TAF4: variants seen among roughly 807,000 people sequenced by gnomAD.
TAF4 encodes the protein transcription initiation factor TFIID subunit 4.
In TAF4, 9 loss-of-function variants were observed where a neutral mutation model predicts 90.3. The ratio of observed to expected loss-of-function variants is 0.10; its 90% CI spans 0.06 to 0.17. The LOEUF (loss-of-function observed/expected upper bound fraction) is 0.17. Ranked by LOEUF, TAF4 falls within the 10% of genes least tolerant of loss-of-function variation. The pLI is 1.00. For missense variants in TAF4, 1,351 were observed against 1,370.7 expected (o/e 0.99, Z 0.23); for synonymous variants, 818 against 638.9 (o/e 1.28, Z -4.23).
At position 62,021,611 on chromosome 20, in the gene TAF4, G is replaced by A. The variant is rs368522747; in HGVS notation, c.1361-6904C>T. On this transcript the variant is annotated intron_variant, in intron 1 of 14. Coordinates refer to ENST00000252996, the MANE Select transcript of TAF4 (RefSeq NM_003185.4). ...ACTGCGGCTGGGCAGCCAGACGGTC[G>A]CTAGCTGACACTCACTCGGCAACCT... 2.6e-3 allele frequency among the ~76,000 whole-genome samples: 391 copies of A among 152,358 alleles called. 2 individuals are homozygous for A. The highest frequency in any genetic ancestry group is 9.2e-3 in the African/African-American group (383 of 41,586).
intron 1 of TAF4, among the ~76,000 whole-genome samples, chr20:62,022,863 C>A (rs556107920): frequency 1.8e-3 from 162 of 92,442 alleles, no homozygotes; most frequent in Non-Finnish European, 2.4e-3. Context: ...CACTTGCAGC[C>A]CCCCCCCCGC....
intron 1 of TAF4, among the ~76,000 whole-genome samples, chr20:62,043,323 A>T (rs1408685357): frequency 6.6e-6 from 1 of 152,214 alleles, no homozygotes; most frequent in African/African-American, 2.4e-5. Context: ...ATAAGGATAC[A>T]AAGAAAGTAT....
intron 1 of TAF4, among the ~76,000 whole-genome samples, chr20:62,030,207 G>A (rs1040003661): frequency 6.6e-6 from 1 of 152,214 alleles, no homozygotes; most frequent in Non-Finnish European, 1.5e-5. Flanking sequence ...GGACGCCAAC[G>A]AGCCCGCCAG....
rs573970048 is a variant in TAF4 at position 62,064,662 on chromosome 20, C to A, written c.1149G>T (p.Leu383=). The A allele has an allele frequency of 2.3e-6, 3 of 1,300,302 alleles. No homozygotes were observed. Among genetic ancestry groups the A allele is most frequent in the Non-Finnish European group, 2.9e-6 (3 of 1,031,184 alleles). The allele number at this position is 1,300,302 out of a possible 1,614,324, so 80.5% of individuals were successfully genotyped here. Residue 383 remains leucine, a synonymous_variant, in exon 1 of 15, where the codon CTG becomes CTT. Coordinates refer to ENST00000252996, the MANE Select transcript of TAF4 (RefSeq NM_003185.4). ...GCGGCGGGACGGCGGCCGGGCTGGG[C>A]AGCGCCCCTTGCATAGTTGGCCCGA... ...MVIGPTMQGA[L]PSPAAVPPPA...
chr20:62,003,586 T>A, intron 8 of TAF4, 145 bp downstream of exon 8: 1 of 915,834 alleles, frequency 1.1e-6, no homozygotes, highest in Non-Finnish European at 1.6e-6. Context: ...ACACAGTAAA[T>A]GAAATCAGTG....
intron 14 of TAF4, among the ~76,000 whole-genome samples, chr20:61,982,147 A>G (rs75526196): frequency 8.5e-4 from 39 of 45,844 alleles, no homozygotes; most frequent in Middle Eastern, 0.012. Context: ...CCACCCTAGA[A>G]GAGACACCAA....
At chr20:62,039,344 G>C (rs905647300) in intron 1 of TAF4, among the ~76,000 whole-genome samples, 1 of 152,202 alleles carries the variant, frequency 6.6e-6, no homozygotes, top group Non-Finnish European at 1.5e-5. Flanking sequence ...GTTCAATAGA[G>C]AAAGGAAGGT....
At chr20:62,036,643 C>G (rs2055934189) in intron 1 of TAF4, among the ~76,000 whole-genome samples, 1 of 152,136 alleles carries the variant, frequency 6.6e-6, no homozygotes, top group African/African-American at 2.4e-5. Context: ...GTTTAACACT[C>G]AAAATTAAAT....
intron 14 of TAF4, among the ~76,000 whole-genome samples, chr20:61,986,503 T>C (rs369791678): frequency 0.095 from 3,751 of 39,328 alleles, no homozygotes; most frequent in Middle Eastern, 0.17. Flanking sequence ...GAAACACCAT[T>C]CCCAACCAAA....
At chr20:61,999,906 G>A (rs879874080) in intron 11 of TAF4, among the ~76,000 whole-genome samples, 5 of 152,228 alleles carry the variant, frequency 3.3e-5, no homozygotes, top group Admixed American at 2.0e-4. Flanking sequence ...CCAAGACTGC[G>A]CCACTGAACT....
intron 14 of TAF4, among the ~76,000 whole-genome samples, chr20:61,976,558 T>G (rs1223463542): frequency 1.3e-5 from 2 of 152,196 alleles, no homozygotes; most frequent in Admixed American, 6.5e-5. Flanking sequence ...CAGGGCACAC[T>G]CAGATGCTGC....
chr20:61,975,945 G>C lies in TAF4; in HGVS notation c.*223C>G. 1 of 532,324 alleles carries C rather than the reference G, an allele frequency of 1.9e-6. No individual in the cohort carries two copies. Among genetic ancestry groups the C allele is most frequent in the South Asian group, 2.8e-5 (1 of 35,154 alleles). The allele number at this position is 532,324 out of a possible 1,614,324, so 33.0% of individuals were successfully genotyped here. ...TTTGGCAGGAAGGCCACTCAATCAAGATGAGTTAAGATTTAATTGTCCTTT... is the reference window on the plus strand; with the variant it reads ...TTTGGCAGGAAGGCCACTCAATCAACATGAGTTAAGATTTAATTGTCCTTT... On this transcript the variant is annotated 3_prime_UTR_variant, in exon 15 of 15. Coordinates refer to ENST00000252996, the MANE Select transcript of TAF4 (RefSeq NM_003185.4).
intron 11 of TAF4, among the ~76,000 whole-genome samples, 157 bp from the exon 12 acceptor site, chr20:61,999,265 C>T (rs1414926967): frequency 6.6e-6 from 1 of 152,208 alleles, no homozygotes; most frequent in Non-Finnish European, 1.5e-5. Flanking sequence ...AAATGCTGCG[C>T]CCGAGAGCTC....
chr20:62,049,792 GTGGCCTT>G (rs2056015945), intron 1 of TAF4, among the ~76,000 whole-genome samples: 1 of 152,108 alleles, frequency 6.6e-6, no homozygotes, highest in South Asian at 2.1e-4. Flanking sequence ...CACCAGTCAC[GTGGCCTT>G]GAGCAGTTCA....
At chr20:62,014,520 C>G (rs374928494) in intron 2 of TAF4, 27 bp downstream of exon 2, 1 of 1,573,364 alleles carries the variant, frequency 6.4e-7, no homozygotes. Flanking sequence ...GGAAGGGGTT[C>G]GCACTCCAGG....
intron 1 of TAF4, among the ~76,000 whole-genome samples, chr20:62,031,906 C>A (rs2055906596): frequency 6.6e-6 from 1 of 152,156 alleles, no homozygotes; most frequent in South Asian, 2.1e-4. Flanking sequence ...CCCAGCAACA[C>A]CGAGACACGG....
At chr20:61,976,884 G>A (rs1356976639) in intron 14 of TAF4, among the ~76,000 whole-genome samples, 2 of 152,188 alleles carry the variant, frequency 1.3e-5, no homozygotes, top group South Asian at 2.1e-4. Context: ...CTGCACAGAC[G>A]CCGCCTCCGT....
intron 1 of TAF4, among the ~76,000 whole-genome samples, chr20:62,045,212 A>G (rs1396623149): frequency 6.6e-6 from 1 of 152,212 alleles, no homozygotes; most frequent in African/African-American, 2.4e-5. Flanking sequence ...CTCCCCGCTC[A>G]GGACTGTCAC....
chr20:62,044,360 A>G (rs188347645), intron 1 of TAF4, among the ~76,000 whole-genome samples: 174 of 152,380 alleles, frequency 1.1e-3, no homozygotes, highest in Non-Finnish European at 2.0e-3. Context: ...ATATGTGTGT[A>G]TGCATGCGAG....
Sources: gnomAD v4.1 joint callset for allele counts (sites outside exome capture counted in the v4.1 genomes callset) on GRCh38, gnomAD v4.1.1 for gene constraint, MANE v1.5 for transcripts, NCBI Gene and HGNC (gene_info 2026-07-23, HGNC 2026-07-21) for gene names.